CCDC91: variants seen among roughly 807,000 people sequenced by gnomAD.
CCDC91 encodes coiled-coil domain-containing protein 91.
In CCDC91, 48 loss-of-function variants were observed where a neutral mutation model predicts 63.2. The observed-to-expected ratio is 0.76, with a 90% CI of 0.60 to 0.97. The LOEUF (loss-of-function observed/expected upper bound fraction) is 0.97. Ranked by LOEUF, CCDC91 falls within the 50% of genes least tolerant of loss-of-function variation. The pLI is 0.00. For missense variants in CCDC91, 500 were observed against 494.6 expected (o/e 1.01, Z -0.10); for synonymous variants, 167 against 165.8 (o/e 1.01, Z -0.06).
intron 1 of CCDC91, among the ~76,000 whole-genome samples, chr12:28,234,741 A>G (rs964972983): frequency 6.6e-6 from 1 of 152,052 alleles, no homozygotes; most frequent in Admixed American, 6.6e-5. Flanking sequence ...CATGGATAGT[A>G]AGTTGATAAT....
At position 28,269,684 on chromosome 12, in the gene CCDC91, A is replaced by C. The variant is rs1373245473; in HGVS notation, c.109+10242A>C. ...AGAAATGTGTAGGATTTATGTTTTC[A>C]TTTGTTGTGGATTCCTGAATATCAA... On this transcript the variant is annotated intron_variant, in intron 3 of 12. Transcript: ENST00000536442. Among the ~76,000 whole-genome samples the C allele has an allele frequency of 2.7e-4, 41 of 152,016 alleles. 1 individual carries two copies. Among genetic ancestry groups the C allele is most frequent in the Admixed American group, 2.7e-3 (41 of 15,242 alleles).
intron 3 of CCDC91, among the ~76,000 whole-genome samples, chr12:28,281,871 C>T (rs1346754026): frequency 1.3e-5 from 2 of 152,068 alleles, no homozygotes; most frequent in South Asian, 2.1e-4. Context: ...TGACTTATCC[C>T]ATAGTACCTT....
chr12:28,245,469 T>G (rs1283290647), intron 1 of CCDC91, among the ~76,000 whole-genome samples: 1 of 152,118 alleles, frequency 6.6e-6, no homozygotes, highest in East Asian at 1.9e-4. Flanking sequence ...AAAATAAGAC[T>G]AAGCAACTGA....
intron 1 of CCDC91, among the ~76,000 whole-genome samples, chr12:28,249,919 TAG>T (rs1451251736): frequency 6.6e-6 from 1 of 152,142 alleles, no homozygotes; most frequent in Non-Finnish European, 1.5e-5. Context: ...TTTGAGTTGA[TAG>T]AGGGATAGCC....
intron 1 of CCDC91, among the ~76,000 whole-genome samples, chr12:28,216,044 GTTGTT>G (rs1402822785): frequency 6.6e-6 from 1 of 152,028 alleles, no homozygotes; most frequent in African/African-American, 2.4e-5. Context: ...CTTAATCGTT[GTTGTT>G]TTGTTTTTTT....
At chr12:28,442,485 T>A (rs1005624585) in intron 8 of CCDC91, among the ~76,000 whole-genome samples, 1 of 152,146 alleles carries the variant, frequency 6.6e-6, no homozygotes, top group Non-Finnish European at 1.5e-5. Flanking sequence ...AAGGCCAATT[T>A]GCCGCTGTGA....
chr12:28,346,860 G>C (rs1942846763), intron 6 of CCDC91, among the ~76,000 whole-genome samples: 1 of 152,148 alleles, frequency 6.6e-6, no homozygotes, highest in Admixed American at 6.6e-5. Context: ...CCTTTCCCTT[G>C]ATGTTGGGGG....
Position 28,503,798 on chromosome 12 carries a change from A to C in CCDC91, c.1215+19633A>C, listed in dbSNP as rs866125786. Among the ~76,000 whole-genome samples the C allele has an allele frequency of 1.2e-4, 18 of 152,278 alleles. No individual in the cohort carries two copies. The Middle Eastern group carries it at 0.014, about 115-fold the overall frequency. ...ATGTCCTTTGTAGGGACATGGATGA[A>C]ATTGGAAATCATCATTCTCAGTAAA... is the stretch of plus-strand genomic sequence containing the variant. On this transcript the variant is annotated intron_variant, in intron 12 of 12. Coordinates refer to ENST00000536442, the MANE Select transcript of CCDC91 (RefSeq NM_018318.5).
chr12:28,282,278 G>T (rs938957501), intron 3 of CCDC91, among the ~76,000 whole-genome samples: 2 of 152,100 alleles, frequency 1.3e-5, no homozygotes, highest in Admixed American at 6.6e-5. Context: ...GGATAATGAT[G>T]CTATTTATTA....
At chr12:28,510,595 A>G (rs553335594) in intron 12 of CCDC91, among the ~76,000 whole-genome samples, 1 of 152,028 alleles carries the variant, frequency 6.6e-6, no homozygotes, top group Non-Finnish European at 1.5e-5. Flanking sequence ...CTACTGATGT[A>G]AATGTTAATC....
chr12:28,267,966 T>G (rs1176487542), intron 3 of CCDC91, among the ~76,000 whole-genome samples: 1 of 112,920 alleles, frequency 8.9e-6, no homozygotes, highest in Admixed American at 1.3e-4. Flanking sequence ...TAATTATATA[T>G]AATTAATATA....
rs71438746 is a variant in CCDC91 at position 28,362,280 on chromosome 12, T to TTATATATATATATATA, written c.577-143_577-142insATATATATATATATAT. Among the ~76,000 whole-genome samples the TTATATATATATATATA allele has an allele frequency of 1.3e-3, 169 of 131,814 alleles. 5 individuals carry two copies. Among genetic ancestry groups the TTATATATATATATATA allele is most frequent in the African/African-American group, 2.7e-3 (108 of 39,660 alleles). 86.5% of individuals were successfully genotyped at this position (131,814 alleles called of 152,430 possible). A position where few individuals can be genotyped will look rare whatever the true frequency, so the allele number is the denominator to read the frequency against. Reference sequence around the variant, plus strand: ...TTCTCCAATGCTTTTAAGCAAAGCTTTATATATATATATATGTTTTCTCTT... The same window carrying TTATATATATATATATA: ...TTCTCCAATGCTTTTAAGCAAAGCTTTATATATATATATATATATATATATATATATGTTTTCTCTT... On this transcript the variant is annotated intron_variant, in intron 6 of 12. Coordinates refer to ENST00000536442, the MANE Select transcript of CCDC91 (RefSeq NM_018318.5).
chr12:28,228,150 C>G (rs989086445), intron 1 of CCDC91, among the ~76,000 whole-genome samples: 1 of 151,934 alleles, frequency 6.6e-6, no homozygotes, highest in African/African-American at 2.4e-5. Context: ...TCAACAATTC[C>G]GCATTATTTG....
At chr12:28,275,706 G>A (rs529715094) in intron 3 of CCDC91, among the ~76,000 whole-genome samples, 11 of 152,156 alleles carry the variant, frequency 7.2e-5, no homozygotes, top group East Asian at 1.9e-4. Flanking sequence ...GATGAACACC[G>A]ATGCAAAAAT....
Position 28,234,116 on chromosome 12 carries a change from A to G in CCDC91, c.-14-23086A>G, listed in dbSNP as rs114896197. 8.4e-3 allele frequency among the ~76,000 whole-genome samples: 1,281 copies of G among 152,246 alleles called. 23 individuals are homozygous for G. The highest frequency in any genetic ancestry group is 0.029 in the African/African-American group (1,219 of 41,562). ...GATTATAATATTAGCTCCTTTATCC[A>G]TTTAAATTGGTCCCATAATTAAGTT... On this transcript the variant is annotated intron_variant, in intron 1 of 12. Transcript: ENST00000536442.
chr12:28,441,167 G>A (rs796397736), intron 8 of CCDC91, among the ~76,000 whole-genome samples: 14 of 150,984 alleles, frequency 9.3e-5, no homozygotes, highest in African/African-American at 3.4e-4. Flanking sequence ...AGTCATTATG[G>A]AAATTCAGTT....
intron 8 of CCDC91, among the ~76,000 whole-genome samples, chr12:28,439,239 G>T (rs1949058792): frequency 6.6e-6 from 1 of 152,060 alleles, no homozygotes. Flanking sequence ...TGGGCTTGTG[G>T]TAACTTCTTT....
intron 8 of CCDC91, among the ~76,000 whole-genome samples, chr12:28,401,871 G>A (rs1946642036): frequency 6.6e-6 from 1 of 152,170 alleles, no homozygotes; most frequent in African/African-American, 2.4e-5. Context: ...GGTTAAGTTT[G>A]TGATTCTTAA....
rs1316246729 is a variant in CCDC91, at chr12:28,397,741, T to C, written c.762+6330T>C. 5.3e-5 allele frequency among the ~76,000 whole-genome samples: 8 copies of C among 152,160 alleles called. No homozygotes were observed. The East Asian group carries it at 1.5e-3, about 29-fold the overall frequency. ...AAATTCCTATAAAGGATAAGTACAA[T>C]ATGCTATTTATAATTCCTTAAGTGC... is the stretch of plus-strand genomic sequence containing the variant. On this transcript the variant is annotated intron_variant, in intron 8 of 12. Coordinates refer to ENST00000536442, the MANE Select transcript of CCDC91 (RefSeq NM_018318.5).
Sources: allele counts gnomAD v4.1 joint callset (sites outside exome capture counted in the v4.1 genomes callset), GRCh38; gene constraint gnomAD v4.1.1; transcripts MANE v1.5; gene names NCBI Gene and HGNC (gene_info 2026-07-23, HGNC 2026-07-21).